DNAH2: variants seen among roughly 807,000 people sequenced by gnomAD.
DNAH2 encodes dynein axonemal heavy chain 2, also known as axonemal beta dynein heavy chain 2.
Under a neutral mutation model 523.5 loss-of-function variants are expected in DNAH2, and 323 were observed. The observed-to-expected ratio is 0.62, with a 90% confidence interval of 0.56 to 0.68. DNAH2 has a LOEUF of 0.68. Ranked by LOEUF, DNAH2 falls within the 30% of genes least tolerant of loss-of-function variation. DNAH2 has a pLI of 0.00. For synonymous variants in DNAH2, 2,093 were observed against 2,177.4 expected (o/e 0.96, Z 1.08); for missense variants, 4,907 against 5,701.5 (o/e 0.86, Z 4.49).
rs913647256 is a variant in DNAH2, at chr17:7,819,375, A to G, written c.10982A>G (p.Tyr3661Cys). 1 of 1,614,282 alleles carries G rather than the reference A, an allele frequency of 6.2e-7. No individual in the cohort carries two copies. ...AATAAGCTGGAGGACCGCATTGACTACCTGAATGACTACCACACCTACGCT... is the reference window on the plus strand; with the variant it reads ...AATAAGCTGGAGGACCGCATTGACTGCCTGAATGACTACCACACCTACGCT... ...RSNKLEDRIDYLNDYHTYAVY... is the reference protein window; with the variant it reads ...RSNKLEDRIDCLNDYHTYAVY... Residue 3661 changes from tyrosine (Y) to cysteine (C), a missense_variant, in exon 72 of 86, where the codon TAC becomes TGC. Around this residue, in one of 3 missense-constraint regions of DNAH2, gnomAD observed 1,851 missense variants for 2,139.4 expected, o/e 0.87. Transcript: ENST00000572933.
At chr17:7,768,288 C>CG in intron 24 of DNAH2, 21 bp downstream of exon 24, 1 of 1,613,404 alleles carries the variant, frequency 6.2e-7, no homozygotes, top group South Asian at 1.1e-5. Context: ...TCCTCTGCTC[C>CG]GGGGTGTCCA....
Position 7,754,349 on chromosome 17 carries a change from C to A in DNAH2, c.1905-2742C>A. 2.2e-6 allele frequency: 1 copy of A among 450,186 alleles called. No individual in the cohort carries two copies. The highest frequency in any genetic ancestry group is 3.4e-5 in the East Asian group (1 of 29,076). The allele number at this position is 450,186 out of a possible 1,614,324, so 27.9% of individuals were successfully genotyped here. On this transcript the variant is annotated intron_variant, in intron 12 of 85. Coordinates refer to ENST00000572933, the MANE Select transcript of DNAH2 (RefSeq NM_020877.5). The surrounding 1 kb of genome is among the most constrained non-coding windows in gnomAD (Gnocchi z 4.6). ...GTTATACTAGAATAGGCAGCCCAGGCTTCCGGTTCTAGGTGCTTCAGGAGC... is the reference window on the plus strand; with the variant it reads ...GTTATACTAGAATAGGCAGCCCAGGATTCCGGTTCTAGGTGCTTCAGGAGC...
rs563922570 is a variant in DNAH2, at chr17:7,828,317, C to G, written c.11854-1983C>G. ...TTATTCTTCTTCAGGCTATTCTTGA[C>G]CTTTTATTCTTCAATATAAATTTTA... On this transcript the variant is annotated intron_variant, in intron 77 of 85. Transcript: ENST00000572933. The surrounding 1 kb of genome is among the most constrained non-coding windows in gnomAD (Gnocchi z 4.1). 1.3e-5 allele frequency among the ~76,000 whole-genome samples: 2 copies of G among 152,172 alleles called. No individual in the cohort carries two copies. The highest frequency in any genetic ancestry group is 4.1e-4 in the South Asian group (2 of 4,822).
intron 56 of DNAH2, 48 bp from the exon 57 acceptor site, chr17:7,801,530 G>A (rs370986398): frequency 5.0e-6 from 8 of 1,610,166 alleles, no homozygotes; most frequent in Non-Finnish European, 8.5e-7. Flanking sequence ...AGTACCTGGA[G>A]GCTGTGTCTG....
intron 39 of DNAH2, among the ~76,000 whole-genome samples, chr17:7,781,604 C>T (rs1462595107): frequency 6.6e-6 from 1 of 152,214 alleles, no homozygotes; most frequent in Non-Finnish European, 1.5e-5. Context: ...CTGAACAAGT[C>T]AATTGACCTC....
intron 48 of DNAH2, among the ~76,000 whole-genome samples, chr17:7,793,433 TTTTCTTTCTTTCTTTTTCTTTCTTTC>T (rs2076955353): frequency 2.9e-5 from 3 of 102,636 alleles, no homozygotes; most frequent in African/African-American, 9.4e-5. Flanking sequence ...CCTGCTTGCT[TTTTCTTTCTTTCTTTTTCTTTCTTTC>T]TTTCTTTCTT....
intron 57 of DNAH2, 29 bp downstream of exon 57, chr17:7,801,739 C>T (rs373885248): frequency 1.2e-6 from 2 of 1,612,700 alleles, no homozygotes; most frequent in Non-Finnish European, 1.7e-6. Context: ...CCTCTCATTG[C>T]ATCCCTGGCC....
At chr17:7,783,615 G>A (rs1034447697) in intron 39 of DNAH2, among the ~76,000 whole-genome samples, 1 of 151,974 alleles carries the variant, frequency 6.6e-6, no homozygotes, top group African/African-American at 2.4e-5. Context: ...TTGAGGTGAG[G>A]AGTTTGAGAC....
At chr17:7,719,961 T>A in intron 2 of DNAH2, 61 bp downstream of exon 2, 14 of 1,438,100 alleles carry the variant, frequency 9.7e-6, no homozygotes, top group Non-Finnish European at 1.3e-5. Context: ...TCAGAGGGGC[T>A]TGGAGGCATT....
chr17:7,789,991 T>A (rs1165220996), intron 44 of DNAH2, among the ~76,000 whole-genome samples: 1 of 152,048 alleles, frequency 6.6e-6, no homozygotes, highest in Non-Finnish European at 1.5e-5. Context: ...CCTCAAGCGC[T>A]CTCCACCCAC....
At chr17:7,792,574 G>A in intron 46 of DNAH2, 83 bp from the exon 47 acceptor site, 1 of 1,231,590 alleles carries the variant, frequency 8.1e-7, no homozygotes, top group Non-Finnish European at 1.2e-6. Flanking sequence ...TGATGAGACA[G>A]TGGTGACGTA....
intron 29 of DNAH2, 40 bp from the exon 30 acceptor site, chr17:7,775,201 G>A (rs1168520103): frequency 1.3e-6 from 2 of 1,593,372 alleles, no homozygotes; most frequent in South Asian, 1.1e-5. Context: ...GACACCAAGG[G>A]TGGGCAGGCC....
chr17:7,743,087 C>T lies in DNAH2; in HGVS notation c.1849C>T (p.Pro617Ser), dbSNP rs1054997721. 1 of 1,555,724 alleles carries T rather than the reference C, an allele frequency of 6.4e-7. No homozygotes were observed. Among genetic ancestry groups the T allele is most frequent in the African/African-American group, 1.4e-5 (1 of 72,514 alleles). Residue 617 changes from proline to serine, a missense_variant, in exon 12 of 86, where the codon CCA becomes TCA. Physicochemically the swap from Pro to Ser is moderately conservative, Grantham distance 74. This residue lies in a region of DNAH2 where 2,806 missense variants were observed against 3,190.8 expected (regional missense o/e 0.88). Transcript: ENST00000572933. ...GGATTGCATTCGGCGGTTGGATACC[C>T]CATTGCTGCGAATCAGCCAGGAGAA... ...DKDCIRRLDT[P>S]LLRISQEKAG...
In DNAH2 at chr17:7,806,078, C is replaced by T. The variant is rs75522544; in HGVS notation, c.9442+685C>T. On this transcript the variant is annotated intron_variant, in intron 61 of 85. Coordinates refer to ENST00000572933, the MANE Select transcript of DNAH2 (RefSeq NM_020877.5). Reference sequence around the variant, plus strand: ...TACAATGGTTTGACTTAAGATTTTTCGTCTTTACAATGGTACCCATACAAT... The same window carrying T: ...TACAATGGTTTGACTTAAGATTTTTTGTCTTTACAATGGTACCCATACAAT... 4.9e-3 allele frequency among the ~76,000 whole-genome samples: 740 copies of T among 152,246 alleles called. 21 individuals carry two copies. The highest frequency in any genetic ancestry group is 0.042 in the Admixed American group (642 of 15,288).
At chr17:7,811,462 A>C (rs1430819343) in intron 63 of DNAH2, among the ~76,000 whole-genome samples, 1 of 152,200 alleles carries the variant, frequency 6.6e-6, no homozygotes, top group Non-Finnish European at 1.5e-5. Flanking sequence ...GTTCTGCTCC[A>C]TCTCAGCTGA....
At chr17:7,719,573 G>A in intron 1 of DNAH2, 148 bp from the exon 2 acceptor site, 1 of 1,014,498 alleles carries the variant, frequency 9.9e-7, no homozygotes, top group Non-Finnish European at 1.5e-6. Flanking sequence ...AGCCCTTGTG[G>A]TTAATGGAGC....
intron 51 of DNAH2, 55 bp downstream of exon 51, chr17:7,797,316 C>G (rs887173683): frequency 2.5e-5 from 40 of 1,613,508 alleles, no homozygotes; most frequent in Non-Finnish European, 3.2e-5. Context: ...GCTCCCACCC[C>G]TACTTTGTTC....
chr17:7,821,891 C>T lies in DNAH2; in HGVS notation c.11142+522C>T, dbSNP rs1019852414. On this transcript the variant is annotated intron_variant, in intron 73 of 85. Transcript: ENST00000572933. This position sits in a 1 kb window ranked among gnomAD's most constrained non-coding sequence, Gnocchi z 5.0. Reference sequence around the variant, plus strand: ...CAAGGAGGCCCCTAAGGCTTCCAGACAACCATGCTGCACTCTCCCGCCCTC... The same window carrying T: ...CAAGGAGGCCCCTAAGGCTTCCAGATAACCATGCTGCACTCTCCCGCCCTC... Among the ~76,000 whole-genome samples, 4 of 152,152 alleles carry T rather than the reference C, an allele frequency of 2.6e-5. No individual in the cohort carries two copies. The highest frequency in any genetic ancestry group is 5.9e-5 in the Non-Finnish European group (4 of 68,032).
chr17:7,733,638 T>C (rs1035556134), intron 5 of DNAH2, among the ~76,000 whole-genome samples: 3 of 151,952 alleles, frequency 2.0e-5, no homozygotes, highest in Admixed American at 6.6e-5. Flanking sequence ...CCACCACGCC[T>C]GGCTAATTTT....
Sources: allele counts gnomAD v4.1 joint callset (sites outside exome capture counted in the v4.1 genomes callset), GRCh38; gene constraint gnomAD v4.1.1; regional missense constraint gnomAD v4.1.1; non-coding constraint Gnocchi (gnomAD v3.1); transcripts MANE v1.5; gene names NCBI Gene and HGNC (gene_info 2026-07-23, HGNC 2026-07-21).